Variants in ALK observed in about 807,000 individuals in gnomAD.
The protein encoded by ALK is ALK tyrosine kinase receptor.
In ALK, 74 loss-of-function variants were observed where a neutral mutation model predicts 163.1. The ratio of observed to expected loss-of-function variants is 0.45; its 90% CI spans 0.38 to 0.55. ALK has a LOEUF of 0.55. ALK is among the 20% of genes least tolerant of loss of function. ALK has a pLI of 0.00. For missense variants in ALK, 2,063 were observed against 2,105.3 expected (o/e 0.98, Z 0.39); for synonymous variants, 960 against 843.2 (o/e 1.14, Z -2.40).
chr2:29,810,053 C>T (rs1297510854), intron 1 of ALK, among the ~76,000 whole-genome samples: 1 of 152,064 alleles, frequency 6.6e-6, no homozygotes, highest in East Asian at 1.9e-4. Flanking sequence ...GTGATGGTGT[C>T]AAGATGGTGG....
chr2:29,393,991 T>G (rs767194746), intron 4 of ALK, among the ~76,000 whole-genome samples: 2 of 152,156 alleles, frequency 1.3e-5, no homozygotes, highest in Non-Finnish European at 2.9e-5. Flanking sequence ...AAAAATTATT[T>G]CCATTTTAAG....
At chr2:29,504,906 G>A (rs1672275403) in intron 4 of ALK, among the ~76,000 whole-genome samples, 1 of 152,172 alleles carries the variant, frequency 6.6e-6, no homozygotes, top group Non-Finnish European at 1.5e-5. Flanking sequence ...CACTTTGACG[G>A]CTGGGTAGAG....
At chr2:29,832,094 T>C (rs1325538480) in intron 1 of ALK, among the ~76,000 whole-genome samples, 1 of 152,172 alleles carries the variant, frequency 6.6e-6, no homozygotes, top group Non-Finnish European at 1.5e-5. Context: ...CCTGTATGCA[T>C]TGTCATCTCG....
At chr2:29,216,979 G>A (rs1316227315) in intron 23 of ALK, among the ~76,000 whole-genome samples, 6 of 145,454 alleles carry the variant, frequency 4.1e-5, no homozygotes, top group Non-Finnish European at 9.1e-5. Flanking sequence ...TGCGTGGTGT[G>A]TGTGTGGCAT....
chr2:29,434,301 G>C (rs1290733822), intron 4 of ALK, among the ~76,000 whole-genome samples: 1 of 152,160 alleles, frequency 6.6e-6, no homozygotes, highest in Admixed American at 6.5e-5. Flanking sequence ...TGAGACGGAG[G>C]CTAGGGTAGT....
chr2:29,684,281 A>C (rs1490424558), intron 3 of ALK, among the ~76,000 whole-genome samples: 2 of 152,186 alleles, frequency 1.3e-5, no homozygotes, highest in Non-Finnish European at 2.9e-5. Context: ...GGAAAGCAAA[A>C]AGACAGCTCC....
At chr2:29,800,123 G>T (rs184405390) in intron 1 of ALK, among the ~76,000 whole-genome samples, 157 of 152,340 alleles carry the variant, frequency 1.0e-3, no homozygotes, top group Middle Eastern at 3.4e-3. Flanking sequence ...ATGAAAGTGA[G>T]GGGTGGAGAG....
intron 3 of ALK, among the ~76,000 whole-genome samples, chr2:29,591,010 G>T (rs1415888176): frequency 7.4e-6 from 1 of 135,060 alleles, no homozygotes; most frequent in African/African-American, 2.8e-5. Flanking sequence ...GGCGGAGCTT[G>T]CAGTGAGCCG....
In ALK at chr2:29,921,100, G is replaced by A. The variant is rs1278425456; in HGVS notation, c.-441C>T. 2 of 245,452 alleles carry A rather than the reference G, an allele frequency of 8.1e-6. No homozygotes were observed. The highest frequency in any genetic ancestry group is 1.6e-5 in the Non-Finnish European group (2 of 126,506). The allele number at this position is 245,452 out of a possible 1,614,324, so 15.2% of individuals were successfully genotyped here. A position where few individuals can be genotyped will look rare whatever the true frequency, so the allele number is the denominator to read the frequency against. On this transcript the variant is annotated 5_prime_UTR_variant, in exon 1 of 29. Transcript: ENST00000389048. ...GCCTCCAATCTCTGCAACTTTTAAG[G>A]CTGAGAACGGCGGCTCCCAGCTGCT...
rs1050553684 is a variant in ALK, at chr2:29,717,733, G to A, written c.668-36C>T. ...AAATAAAGAAAACACTGATCCATGT[G>A]CTTGGGGTGTGTCTTTTAGCTGTCA... On this transcript the variant is annotated intron_variant, in intron 1 of 28. Coordinates refer to ENST00000389048, the MANE Select transcript of ALK (RefSeq NM_004304.5). 5.0e-6 allele frequency: 8 copies of A among 1,613,784 alleles called. No individual in the cohort carries two copies. The Admixed American group carries it at 6.7e-5, about 13-fold the overall frequency.
intron 26 of ALK, among the ~76,000 whole-genome samples, chr2:29,200,131 T>G (rs915215244): frequency 2.6e-5 from 4 of 152,330 alleles, no homozygotes; most frequent in African/African-American, 9.6e-5. Flanking sequence ...TGTTTGGAGA[T>G]CTCTTGATTT....
At chr2:29,356,065 C>T (rs569579921) in intron 5 of ALK, among the ~76,000 whole-genome samples, 1 of 152,124 alleles carries the variant, frequency 6.6e-6, no homozygotes, top group Admixed American at 6.5e-5. Context: ...TTGTTAGACA[C>T]CTGCCCAAGG....
intron 1 of ALK, among the ~76,000 whole-genome samples, chr2:29,889,691 TAGACAGAG>T (rs1195739253): frequency 8.6e-5 from 2 of 23,308 alleles, no homozygotes; most frequent in Non-Finnish European, 2.5e-4. Context: ...TATAGATAGA[TAGACAGAG>T]AGAGAGAGAG....
rs572584058 is a variant in ALK, at chr2:29,481,334, T to G, written c.1154+50581A>C. Among the ~76,000 whole-genome samples, 25 of 152,310 alleles carry G rather than the reference T, an allele frequency of 1.6e-4. No homozygotes were observed. In the South Asian group the frequency reaches 5.2e-3, roughly 32 times the overall value. On this transcript the variant is annotated intron_variant, in intron 4 of 28. Transcript: ENST00000389048. ...TTTAAGCAACTCCCCTGTAAACAAA[T>G]TTAGATTTAAAATAGAAGAGCAATG...
At chr2:29,770,990 C>T (rs1373505054) in intron 1 of ALK, among the ~76,000 whole-genome samples, 1 of 143,822 alleles carries the variant, frequency 7.0e-6, no homozygotes, top group East Asian at 2.1e-4. Context: ...CACAGAAACA[C>T]AGACACACAC....
At chr2:29,549,006 C>T (rs566465014) in intron 3 of ALK, among the ~76,000 whole-genome samples, 2 of 151,956 alleles carry the variant, frequency 1.3e-5, no homozygotes, top group Admixed American at 1.3e-4. Context: ...TGGGTCATGA[C>T]CAGCACTAAA....
chr2:29,688,304 G>A (rs2631985), intron 3 of ALK, among the ~76,000 whole-genome samples: 5,686 of 152,286 alleles, frequency 0.037, 167 homozygotes, highest in Non-Finnish European at 0.056. Context: ...CATCAGGAAC[G>A]TTGGGGCCAG....
intron 25 of ALK, among the ~76,000 whole-genome samples, chr2:29,207,570 T>C (rs1302963239): frequency 6.6e-6 from 1 of 152,248 alleles, no homozygotes; most frequent in East Asian, 1.9e-4. Flanking sequence ...TTTTGTTTAT[T>C]ATAGCTCACA....
chr2:29,442,190 G>A (rs1304644846), intron 4 of ALK, among the ~76,000 whole-genome samples: 1 of 152,038 alleles, frequency 6.6e-6, no homozygotes, highest in African/African-American at 2.4e-5. Flanking sequence ...CCGGTAAAAA[G>A]AGCATCTGTT....
Sources: gnomAD v4.1 joint callset for allele counts (sites outside exome capture counted in the v4.1 genomes callset) on GRCh38, gnomAD v4.1.1 for gene constraint, MANE v1.5 for transcripts, NCBI Gene and HGNC (gene_info 2026-07-23, HGNC 2026-07-21) for gene names.